The following THSD4 variants were observed in gnomAD, a reference collection of about 807,000 sequenced individuals.
The protein encoded by THSD4 is thrombospondin type 1 domain containing 4, also known as thrombospondin type-1 domain-containing protein 4.
In THSD4, 69 loss-of-function variants were observed where a neutral mutation model predicts 119.0. The observed-to-expected ratio is 0.58, with a 90% CI of 0.48 to 0.71. The LOEUF (loss-of-function observed/expected upper bound fraction) is 0.71, where lower values mean the gene tolerates loss of function less well. Among genes scored for constraint, THSD4 ranks in the 30% least tolerant of loss-of-function variants. The pLI, the probability that THSD4 is intolerant of heterozygous loss-of-function variation, is 0.00. For synonymous variants in THSD4, 524 were observed against 540.4 expected (o/e 0.97, Z 0.42); for missense variants, 1,393 against 1,391.1 (o/e 1.00, Z -0.02).
intron 7 of THSD4, among the ~76,000 whole-genome samples, chr15:71,631,264 A>G (rs887974208): frequency 2.0e-5 from 3 of 152,194 alleles, no homozygotes; most frequent in Non-Finnish European, 4.4e-5. Flanking sequence ...AGCTTTTCAA[A>G]GCCTTCAAAG....
chr15:71,321,524 A>C (rs554339647), intron 6 of THSD4, among the ~76,000 whole-genome samples: 1 of 152,360 alleles, frequency 6.6e-6, no homozygotes, highest in Non-Finnish European at 1.5e-5. Context: ...CAACAGAGCG[A>C]GATTCCGTCT....
intron 7 of THSD4, among the ~76,000 whole-genome samples, chr15:71,598,668 G>C (rs1297621250): frequency 6.6e-6 from 1 of 152,258 alleles, no homozygotes; most frequent in Non-Finnish European, 1.5e-5. Flanking sequence ...CTGTCACCCA[G>C]TGTGTAGTGC....
At chr15:71,104,557 GA>G (rs1334562052) in intron 1 of THSD4, among the ~76,000 whole-genome samples, 1 of 152,218 alleles carries the variant, frequency 6.6e-6, no homozygotes, top group African/African-American at 2.4e-5. Context: ...GAGCCAATAT[GA>G]GTGACCATGG....
chr15:71,414,238 C>G (rs1395700879), intron 7 of THSD4, among the ~76,000 whole-genome samples: 2 of 152,256 alleles, frequency 1.3e-5, no homozygotes, highest in African/African-American at 4.8e-5. Context: ...GTTTGGCATT[C>G]AGTAAGCATA....
At chr15:71,170,668 G>A (rs1311017657) in intron 3 of THSD4, among the ~76,000 whole-genome samples, 2 of 152,178 alleles carry the variant, frequency 1.3e-5, no homozygotes, top group African/African-American at 2.4e-5. Flanking sequence ...AGGTTACCAG[G>A]CTTGCACAGA....
chr15:71,415,640 AT>A (rs1025544260), intron 7 of THSD4, among the ~76,000 whole-genome samples: 21 of 152,036 alleles, frequency 1.4e-4, no homozygotes, highest in Non-Finnish European at 2.2e-4. Context: ...TATTCTTTCT[AT>A]TTTTTTGTAC....
chr15:71,467,332 A>G (rs1164577593), intron 7 of THSD4, among the ~76,000 whole-genome samples: 1 of 152,246 alleles, frequency 6.6e-6, no homozygotes, highest in African/African-American at 2.4e-5. Flanking sequence ...TTTATTTAAT[A>G]TAAGTTTTAT....
At chr15:71,326,116 C>T (rs1034184827) in intron 6 of THSD4, among the ~76,000 whole-genome samples, 2 of 152,096 alleles carry the variant, frequency 1.3e-5, no homozygotes, top group African/African-American at 2.4e-5. Context: ...AAGTAGATGG[C>T]GTGAGAGAAA....
intron 6 of THSD4, among the ~76,000 whole-genome samples, chr15:71,336,659 C>T (rs1390249672): frequency 6.6e-6 from 1 of 152,114 alleles, no homozygotes; most frequent in African/African-American, 2.4e-5. Flanking sequence ...CTTTCCAAAC[C>T]CAAATCTAAA....
chr15:71,623,347 C>T (rs1250203287), intron 7 of THSD4, among the ~76,000 whole-genome samples: 1 of 152,174 alleles, frequency 6.6e-6, no homozygotes, highest in Non-Finnish European at 1.5e-5. Context: ...ACTCTTTAAT[C>T]ATCACAATAG....
intron 6 of THSD4, among the ~76,000 whole-genome samples, chr15:71,313,402 G>A (rs576658130): frequency 1.3e-5 from 2 of 152,270 alleles, no homozygotes; most frequent in South Asian, 2.1e-4. Context: ...TATCAAATCA[G>A]CCATTTCTTC....
chr15:71,465,855 A>G (rs1448368788), intron 7 of THSD4, among the ~76,000 whole-genome samples: 17 of 152,338 alleles, frequency 1.1e-4, no homozygotes, highest in Admixed American at 1.0e-3. Context: ...ATGCCTATTC[A>G]GGGCATTTAT....
At chr15:71,193,621 G>GGACCC (rs767026301) in intron 3 of THSD4, among the ~76,000 whole-genome samples, 18 of 152,282 alleles carry the variant, frequency 1.2e-4, no homozygotes, top group Admixed American at 5.2e-4. Flanking sequence ...GCTGTGGGAG[G>GGACCC]GACCCGGTAG....
At chr15:71,112,636 C>T (rs1421672387), upstream of THSD4, among the ~76,000 whole-genome samples, 2 of 152,184 alleles carry the variant, frequency 1.3e-5, no homozygotes, top group African/African-American at 2.4e-5. Flanking sequence ...GCCAGGCAGG[C>T]CCCCAGCCTA....
At chr15:71,745,737 T>G (rs930768923) in intron 12 of THSD4, among the ~76,000 whole-genome samples, 1 of 152,186 alleles carries the variant, frequency 6.6e-6, no homozygotes, top group African/African-American at 2.4e-5. Context: ...CTCCGCCTCC[T>G]GGATTCAAGC....
intron 15 of THSD4, among the ~76,000 whole-genome samples, chr15:71,759,087 C>T (rs2053589927): frequency 6.6e-6 from 1 of 152,068 alleles, no homozygotes; most frequent in Admixed American, 6.6e-5. Flanking sequence ...ACAATGACAG[C>T]GATCGTTAGG....
chr15:71,600,509 T>G (rs1386985560), intron 7 of THSD4, among the ~76,000 whole-genome samples: 2 of 152,336 alleles, frequency 1.3e-5, no homozygotes, highest in Middle Eastern at 3.4e-3. Flanking sequence ...AGGCACTTTC[T>G]AAATATCTGG....
chr15:71,543,182 T>G (rs1330392587), intron 7 of THSD4, among the ~76,000 whole-genome samples: 1 of 152,212 alleles, frequency 6.6e-6, no homozygotes. Context: ...TGTAAGATGT[T>G]AACATTGTGA....
chr15:71,716,625 G>C (rs2052615497), intron 8 of THSD4, among the ~76,000 whole-genome samples: 1 of 143,194 alleles, frequency 7.0e-6, no homozygotes, highest in Admixed American at 7.2e-5. Flanking sequence ...CAGTGCTTTA[G>C]ATCATAGCTG....
Sources: allele counts gnomAD v4.1 joint callset (sites outside exome capture counted in the v4.1 genomes callset), GRCh38; gene constraint gnomAD v4.1.1; transcripts MANE v1.5; gene names NCBI Gene and HGNC (gene_info 2026-07-23, HGNC 2026-07-21).